The following CSMD1 variants were observed in gnomAD, a reference collection of about 807,000 sequenced individuals.
CSMD1 encodes CUB and Sushi multiple domains 1.
Under a neutral mutation model 417.5 loss-of-function variants are expected in CSMD1, and 213 were observed. The ratio of observed to expected loss-of-function variants is 0.51; its 90% CI spans 0.46 to 0.57. CSMD1 has a LOEUF of 0.57. Ranked by LOEUF, CSMD1 falls within the 20% of genes least tolerant of loss-of-function variation. The pLI is 0.00. For missense variants in CSMD1, 6,923 were observed against 4,529.7 expected, an observed-to-expected ratio of 1.53 and a Z score of -15.17; for synonymous variants, 2,862 against 1,736.8, an observed-to-expected ratio of 1.65 and a Z score of -16.11.
chr8:3,349,057 G>A (rs868048530), intron 21 of CSMD1, among the ~76,000 whole-genome samples: 1 of 152,208 alleles, frequency 6.6e-6, no homozygotes, highest in Non-Finnish European at 1.5e-5. Context: ...CAATTTTACA[G>A]ACTATACTAT....
intron 3 of CSMD1, among the ~76,000 whole-genome samples, chr8:4,116,047 C>T (rs1169239193): frequency 6.6e-6 from 1 of 151,420 alleles, no homozygotes; most frequent in Non-Finnish European, 1.5e-5. Context: ...GTCTCCCAGG[C>T]TAGATTGTAG....
intron 2 of CSMD1, among the ~76,000 whole-genome samples, chr8:4,473,786 A>G (rs1231947447): frequency 6.6e-6 from 1 of 152,186 alleles, no homozygotes; most frequent in African/African-American, 2.4e-5. Flanking sequence ...CTTTTAACCT[A>G]TTATCTTATA....
intron 2 of CSMD1, among the ~76,000 whole-genome samples, chr8:4,449,469 A>G (rs1186327960): frequency 2.6e-5 from 4 of 152,200 alleles, no homozygotes. Flanking sequence ...CAGTTATTAA[A>G]ACCATCATCC....
intron 3 of CSMD1, among the ~76,000 whole-genome samples, chr8:4,259,499 T>A (rs559607498): frequency 1.3e-5 from 2 of 151,158 alleles, no homozygotes; most frequent in South Asian, 2.1e-4. Flanking sequence ...ATAAAGTTTA[T>A]GGCCCATCCT....
intron 5 of CSMD1, among the ~76,000 whole-genome samples, chr8:3,915,823 G>T (rs567439791): frequency 7.0e-6 from 1 of 143,346 alleles, no homozygotes; most frequent in South Asian, 2.4e-4. Flanking sequence ...ATGCATTTTG[G>T]GGTTTAACAT....
intron 1 of CSMD1, among the ~76,000 whole-genome samples, chr8:4,661,812 G>C (rs1369614628): frequency 1.3e-5 from 2 of 152,164 alleles, no homozygotes; most frequent in Non-Finnish European, 2.9e-5. Context: ...TTAGCATGAA[G>C]AATATGTTAG....
At chr8:4,247,568 A>C (rs1802788621) in intron 3 of CSMD1, among the ~76,000 whole-genome samples, 1 of 152,188 alleles carries the variant, frequency 6.6e-6, no homozygotes, top group African/African-American at 2.4e-5. Flanking sequence ...ATTCCGCATA[A>C]TACCACCATT....
At chr8:4,593,428 T>G (rs78356551) in intron 2 of CSMD1, among the ~76,000 whole-genome samples, 5,792 of 152,246 alleles carry the variant, frequency 0.038, 189 homozygotes, top group Middle Eastern at 0.13. Flanking sequence ...TCATTCCAAC[T>G]GAAATACCCT....
chr8:3,380,897 A>G (rs184589002), intron 18 of CSMD1, among the ~76,000 whole-genome samples: 1 of 152,304 alleles, frequency 6.6e-6, no homozygotes, highest in Non-Finnish European at 1.5e-5. Context: ...TAATGAAAAA[A>G]AAAAAAGTTT....
chr8:3,799,623 G>T (rs1044375207), intron 5 of CSMD1, among the ~76,000 whole-genome samples: 20 of 151,784 alleles, frequency 1.3e-4, no homozygotes, highest in South Asian at 4.2e-4. Context: ...GACCCCATTT[G>T]GCTTGTACTT....
At chr8:3,710,274 A>C (rs2129040688) in intron 6 of CSMD1, among the ~76,000 whole-genome samples, 1 of 152,274 alleles carries the variant, frequency 6.6e-6, no homozygotes, top group African/African-American at 2.4e-5. Flanking sequence ...ATGCTGCTCA[A>C]GGGTTAACTG....
intron 3 of CSMD1, among the ~76,000 whole-genome samples, chr8:4,076,736 T>A (rs1420324401): frequency 6.6e-6 from 1 of 152,218 alleles, no homozygotes; most frequent in Non-Finnish European, 1.5e-5. Context: ...CTCCAAGCCC[T>A]GACCCACCCT....
At chr8:4,113,489 C>G (rs935107655) in intron 3 of CSMD1, among the ~76,000 whole-genome samples, 1 of 148,916 alleles carries the variant, frequency 6.7e-6, no homozygotes, top group East Asian at 2.0e-4. Context: ...ACTGCAACCT[C>G]TGCCTCCCAG....
chr8:3,965,254 T>A (rs1812592294), intron 5 of CSMD1, among the ~76,000 whole-genome samples: 1 of 152,188 alleles, frequency 6.6e-6, no homozygotes, highest in Admixed American at 6.5e-5. Flanking sequence ...CCACTCAGCC[T>A]TTGGTCTCCT....
chr8:4,678,861 C>A lies in CSMD1; in HGVS notation c.86-41303G>T, dbSNP rs1427326290. ...TGTTTCCTCAGTCACTGCCCAGTAA[C>A]TGAAATTCTGTCATTGTAAAAAGTT... On this transcript the variant is annotated intron_variant, in intron 1 of 69. Transcript: ENST00000635120. 2.6e-5 allele frequency among the ~76,000 whole-genome samples: 4 copies of A among 152,188 alleles called. No individual in the cohort carries two copies. In the South Asian group the frequency reaches 6.2e-4, roughly 24 times the overall value.
At chr8:3,249,105 G>C (rs189256592) in intron 26 of CSMD1, among the ~76,000 whole-genome samples, 26 of 152,276 alleles carry the variant, frequency 1.7e-4, no homozygotes, top group African/African-American at 5.3e-4. Flanking sequence ...AGTGTTTAAA[G>C]CACTTAGCCC....
At chr8:3,225,785 C>T (rs776453154) in intron 27 of CSMD1, among the ~76,000 whole-genome samples, 17 of 152,312 alleles carry the variant, frequency 1.1e-4, no homozygotes, top group Non-Finnish European at 1.9e-4. Flanking sequence ...CTGCCTGGCC[C>T]TGTTTGTTCT....
intron 5 of CSMD1, among the ~76,000 whole-genome samples, chr8:3,778,091 C>G (rs550305016): frequency 1.3e-5 from 2 of 152,328 alleles, no homozygotes; most frequent in South Asian, 4.1e-4. Flanking sequence ...TTGAGAGCTG[C>G]TGGCCCAGAG....
At chr8:4,123,350 G>C (rs1240546240) in intron 3 of CSMD1, among the ~76,000 whole-genome samples, 1 of 152,174 alleles carries the variant, frequency 6.6e-6, no homozygotes, top group Non-Finnish European at 1.5e-5. Context: ...CTCAGTGGGA[G>C]CCTCACCCAT....
Sources: gnomAD v4.1 joint callset for allele counts (sites outside exome capture counted in the v4.1 genomes callset) on GRCh38, gnomAD v4.1.1 for gene constraint, MANE v1.5 for transcripts, NCBI Gene and HGNC (gene_info 2026-07-23, HGNC 2026-07-21) for gene names.